EYS: variants seen among roughly 807,000 people sequenced by gnomAD.
EYS encodes EGF-like photoreceptor maintenance factor.
Under a neutral mutation model 282.1 loss-of-function variants are expected in EYS, and 250 were observed. The ratio of observed to expected loss-of-function variants is 0.89; its 90% CI spans 0.80 to 0.98. The LOEUF (loss-of-function observed/expected upper bound fraction) is 0.98, where lower values mean the gene tolerates loss of function less well. Among genes scored for constraint, EYS ranks in the 50% least tolerant of loss-of-function variants. The pLI, the probability that EYS is intolerant of heterozygous loss-of-function variation, is 0.00. For missense variants in EYS, 4,016 were observed against 3,709.0 expected (o/e 1.08, Z -2.15); for synonymous variants, 1,355 against 1,282.9 (o/e 1.06, Z -1.20).
chr6:65,554,486 G>A lies in EYS; in HGVS notation c.-332-58493C>T, dbSNP rs139574223. Among the ~76,000 whole-genome samples, 143 of 152,064 alleles carry A rather than the reference G, an allele frequency of 9.4e-4. 3 individuals carry two copies. The East Asian group carries it at 0.024, about 25-fold the overall frequency. On this transcript the variant is annotated intron_variant, in intron 2 of 42. Coordinates refer to ENST00000503581, the MANE Select transcript of EYS (RefSeq NM_001142800.2). ...TAAGAATCCTTCCCTAGCCCATCTT[G>A]TTTTGAAAGATGCTTTTCCTATATG...
rs537375350 is a variant in EYS, at chr6:65,200,744, G to A, written c.2023+95119C>T. Among the ~76,000 whole-genome samples the A allele has an allele frequency of 1.1e-4, 17 of 151,768 alleles. 1 individual carries two copies. The highest frequency in any genetic ancestry group is 3.9e-4 in the East Asian group (2 of 5,160). Reference sequence around the variant, plus strand: ...TGCTCTAACATCTTTCATATTTCTCGAAATTCTAAATATTAAAAAATTGCT... The same window carrying A: ...TGCTCTAACATCTTTCATATTTCTCAAAATTCTAAATATTAAAAAATTGCT... On this transcript the variant is annotated intron_variant, in intron 12 of 42. Coordinates refer to ENST00000503581, the MANE Select transcript of EYS (RefSeq NM_001142800.2).
chr6:64,473,473 G>T (rs747446694), intron 26 of EYS, among the ~76,000 whole-genome samples: 6 of 152,080 alleles, frequency 3.9e-5, no homozygotes, highest in Non-Finnish European at 7.4e-5. Flanking sequence ...ACTAATGAAT[G>T]AAAAATTTGC....
intron 19 of EYS, among the ~76,000 whole-genome samples, chr6:64,849,760 T>C (rs183858432): frequency 1.3e-4 from 20 of 152,034 alleles, no homozygotes; most frequent in Middle Eastern, 3.4e-3. Flanking sequence ...CCACCCTTTG[T>C]TGCTAGAGGC....
At chr6:64,364,285 C>T (rs1772119817) in intron 29 of EYS, among the ~76,000 whole-genome samples, 1 of 151,822 alleles carries the variant, frequency 6.6e-6, no homozygotes, top group Non-Finnish European at 1.5e-5. Flanking sequence ...AAACTTAGTT[C>T]AGTCATTTTA....
At chr6:64,234,238 T>A (rs988534873) in intron 30 of EYS, among the ~76,000 whole-genome samples, 1 of 150,008 alleles carries the variant, frequency 6.7e-6, no homozygotes, top group African/African-American at 2.5e-5. Flanking sequence ...AATGCATATA[T>A]CTCATGTAAA....
intron 29 of EYS, among the ~76,000 whole-genome samples, chr6:64,327,107 A>G (rs1344471482): frequency 1.3e-5 from 2 of 152,044 alleles, no homozygotes; most frequent in Admixed American, 6.6e-5. Flanking sequence ...ATGGGGCGTG[A>G]TGTGGGGAGG....
In EYS at chr6:64,658,131, T is replaced by C. The variant is rs149381682; in HGVS notation, c.3444-31886A>G. Among the ~76,000 whole-genome samples the C allele has an allele frequency of 1.6e-4, 24 of 152,344 alleles. No individual in the cohort carries two copies. The East Asian group carries it at 4.6e-3, about 29-fold the overall frequency. ...GATCTTCCATCACTGATACCCTTTC[T>C]TCCAGTTAACAAATCGGCTACTGAG... On this transcript the variant is annotated intron_variant, in intron 22 of 42. Transcript: ENST00000503581.
chr6:64,563,651 T>C (rs1340498002), intron 26 of EYS, among the ~76,000 whole-genome samples: 2 of 152,126 alleles, frequency 1.3e-5, no homozygotes, highest in Non-Finnish European at 2.9e-5. Context: ...ATATCGACTA[T>C]ACACTTTTGC....
intron 12 of EYS, among the ~76,000 whole-genome samples, chr6:65,109,238 G>A (rs753315659): frequency 5.3e-5 from 8 of 151,714 alleles, no homozygotes; most frequent in East Asian, 1.9e-4. Context: ...TTTTAGGGTC[G>A]AAACTCTTGA....
At chr6:64,498,370 T>C (rs1429348458) in intron 26 of EYS, among the ~76,000 whole-genome samples, 1 of 152,312 alleles carries the variant, frequency 6.6e-6, no homozygotes, top group Admixed American at 6.5e-5. Flanking sequence ...TGCTCTTATC[T>C]ACTGGTATGT....
At chr6:64,924,719 G>A (rs1464112306) in intron 15 of EYS, among the ~76,000 whole-genome samples, 3 of 152,050 alleles carry the variant, frequency 2.0e-5, no homozygotes, top group African/African-American at 4.8e-5. Context: ...TCTAGGGCAG[G>A]GGCAAAATTC....
At chr6:65,060,150 A>G (rs1257507302) in intron 12 of EYS, among the ~76,000 whole-genome samples, 6 of 151,990 alleles carry the variant, frequency 3.9e-5, no homozygotes, top group Non-Finnish European at 8.8e-5. Context: ...CTAATCTATT[A>G]GAGCAATCCT....
intron 30 of EYS, among the ~76,000 whole-genome samples, chr6:64,300,504 C>T (rs946619808): frequency 1.3e-5 from 2 of 152,132 alleles, no homozygotes; most frequent in African/African-American, 4.8e-5. Flanking sequence ...CCTAAAACGA[C>T]TCCAAATCCC....
intron 36 of EYS, among the ~76,000 whole-genome samples, chr6:63,828,658 A>G (rs1771539255): frequency 6.6e-6 from 1 of 152,246 alleles, no homozygotes; most frequent in Admixed American, 6.5e-5. Flanking sequence ...AAATGGGCTA[A>G]GGACATGAAT....
At chr6:64,533,773 T>C (rs1376565726) in intron 26 of EYS, among the ~76,000 whole-genome samples, 1 of 151,748 alleles carries the variant, frequency 6.6e-6, no homozygotes, top group Non-Finnish European at 1.5e-5. Flanking sequence ...AGTAAATATA[T>C]CATTAAACAT....
At chr6:64,306,238 G>A (rs1023191639) in intron 30 of EYS, among the ~76,000 whole-genome samples, 8 of 152,100 alleles carry the variant, frequency 5.3e-5, no homozygotes, top group Admixed American at 4.6e-4. Flanking sequence ...GCTTCTCTGG[G>A]CTTGCATGAG....
At chr6:65,449,887 C>T (rs570038999) in intron 5 of EYS, among the ~76,000 whole-genome samples, 1 of 152,028 alleles carries the variant, frequency 6.6e-6, no homozygotes, top group African/African-American at 2.4e-5. Context: ...TCTCTAGGAC[C>T]TCTTCCTCAT....
intron 14 of EYS, among the ~76,000 whole-genome samples, chr6:64,958,088 T>C (rs185304335): frequency 9.3e-4 from 142 of 152,222 alleles, no homozygotes; most frequent in African/African-American, 3.2e-3. Flanking sequence ...CATTTTTATG[T>C]AATTCTGTAT....
At chr6:65,416,632 A>T (rs1354384012) in intron 5 of EYS, among the ~76,000 whole-genome samples, 1 of 152,040 alleles carries the variant, frequency 6.6e-6, no homozygotes, top group Non-Finnish European at 1.5e-5. Context: ...ATTATGTTTT[A>T]TTACAATTTC....
Sources: gnomAD v4.1 joint callset for allele counts (sites outside exome capture counted in the v4.1 genomes callset) on GRCh38, gnomAD v4.1.1 for gene constraint, MANE v1.5 for transcripts, NCBI Gene and HGNC (gene_info 2026-07-23, HGNC 2026-07-21) for gene names.